The following ESPNL variants were observed in gnomAD, a reference collection of about 807,000 sequenced individuals.
ESPNL encodes espin like.
ESPNL carries 49 observed loss-of-function variants against 46.8 expected under a neutral mutation model. The observed-to-expected ratio is 1.05, with a 90% CI of 0.83 to 1.33. ESPNL has a LOEUF of 1.33. Among genes scored for constraint, ESPNL ranks in the 40% most tolerant of loss-of-function variants. The pLI, the probability that ESPNL is intolerant of heterozygous loss-of-function variation, is 0.00. For synonymous variants in ESPNL, 664 were observed against 662.1 expected, an observed-to-expected ratio of 1.00 and a Z score of -0.04; for missense variants, 1,540 against 1,436.6, an observed-to-expected ratio of 1.07 and a Z score of -1.16.
Position 238,128,877 on chromosome 2 carries a change from G to A in ESPNL, c.1386G>A (p.Leu462=), listed in dbSNP as rs1321831610. Reference sequence around the variant, plus strand: ...TGGTGCGGAAGCTGCAGGCGCGCCTGGGCGCAGAGAGCTCCGCAGAGGCCC... The same window carrying A: ...TGGTGCGGAAGCTGCAGGCGCGCCTAGGCGCAGAGAGCTCCGCAGAGGCCC... ...QVMVRKLQAR[L]GAESSAEAQD... is the part of the protein sequence containing the mutation. Residue 462 remains leucine (L), a synonymous_variant, in exon 8 of 9, where the codon CTG becomes CTA. Transcript: ENST00000343063. 2 of 1,544,600 alleles carry A rather than the reference G, an allele frequency of 1.3e-6. No homozygotes were observed. Among genetic ancestry groups the A allele is most frequent in the Admixed American group, 2.0e-5 (1 of 50,964 alleles).
At chr2:238,118,764 G>GA (rs1691893386) in intron 5 of ESPNL, among the ~76,000 whole-genome samples, 1 of 59,744 alleles carries the variant, frequency 1.7e-5, no homozygotes, top group Non-Finnish European at 3.0e-5. Flanking sequence ...GATGGAGGAG[G>GA]GTGGATGGAG....
intron 7 of ESPNL, among the ~76,000 whole-genome samples, chr2:238,128,083 C>T (rs1158961002): frequency 1.3e-5 from 2 of 152,206 alleles, no homozygotes; most frequent in Non-Finnish European, 2.9e-5. Flanking sequence ...GGCAGGGCCC[C>T]GCTGCCACCG....
chr2:238,115,664 T>C (rs1034593723), intron 4 of ESPNL, among the ~76,000 whole-genome samples: 7 of 152,186 alleles, frequency 4.6e-5, no homozygotes, highest in African/African-American at 1.7e-4. Flanking sequence ...GAGCTGAAAA[T>C]TCCTTTGGGG....
intron 6 of ESPNL, 34 bp downstream of exon 6, chr2:238,125,418 C>A (rs747626308): frequency 1.5e-6 from 2 of 1,334,106 alleles, no homozygotes; most frequent in Non-Finnish European, 2.0e-6. Context: ...CCACCCAGGG[C>A]ATGGGCCTGG....
Position 238,130,241 on chromosome 2 carries a change from C to CA in ESPNL, c.1527_1528insA (p.Leu510ThrfsTer18). On this transcript the variant is annotated frameshift_variant, in exon 9 of 9. Transcript: ENST00000343063. LOFTEE classifies it low-confidence loss of function (END_TRUNC). ...TGCTGACAGAGGATGACCTGGTCTA[C>CA]CTGGAGAAGCAGATTGCAGACCTGC... 6.2e-7 allele frequency: 1 copy of CA among 1,611,000 alleles called. No individual in the cohort carries two copies. Among genetic ancestry groups the CA allele is most frequent in the Non-Finnish European group, 8.5e-7 (1 of 1,179,138 alleles).
rs546186420 is a variant in ESPNL at position 238,127,520 on chromosome 2, G to A, written c.1103-102G>A. ...GGGGTCAGCTCCCAGCTCGCAGATC[G>A]TTCAGGAGGTCAGCTCTGCCCCCAG... On this transcript the variant is annotated intron_variant, in intron 6 of 8. Transcript: ENST00000343063. The A allele has an allele frequency of 7.6e-5, 110 of 1,455,254 alleles. No homozygotes were observed. The African/African-American group carries it at 7.6e-4, about 10-fold the overall frequency. The allele number at this position is 1,455,254 out of a possible 1,614,324, so 90.1% of individuals were successfully genotyped here. A position where few individuals can be genotyped will look rare whatever the true frequency, so the allele number is the denominator to read the frequency against.
rs148153794 is a variant in ESPNL, at chr2:238,130,522, T to C, written c.1808T>C (p.Leu603Pro). Residue 603 changes from leucine (L) to proline (P), a missense_variant, in exon 9 of 9, where the codon CTG becomes CCG. Leu to Pro is a moderately conservative substitution (Grantham distance 98). Coordinates refer to ENST00000343063, the MANE Select transcript of ESPNL (RefSeq NM_194312.4). ...CSHISRLVRS[L>P]SLLLKGVHGL... ...CACATCTCCCGCCTGGTACGCAGCCTGTCCCTGCTGCTGAAGGGCGTGCAT... is the reference window on the plus strand; with the variant it reads ...CACATCTCCCGCCTGGTACGCAGCCCGTCCCTGCTGCTGAAGGGCGTGCAT... 93 of 1,596,036 alleles carry C rather than the reference T, an allele frequency of 5.8e-5. No homozygotes were observed. The highest frequency in any genetic ancestry group is 7.4e-5 in the Non-Finnish European group (87 of 1,171,728).
chr2:238,128,952 C>T (rs918283670), intron 8 of ESPNL, 48 bp downstream of exon 8: 25 of 1,506,064 alleles, frequency 1.7e-5, no homozygotes, highest in Non-Finnish European at 2.1e-5. Flanking sequence ...GGGGCCTTTT[C>T]CAGGTAGGTG....
chr2:238,106,604 C>T (rs1403090510), intron 3 of ESPNL, among the ~76,000 whole-genome samples: 1 of 152,220 alleles, frequency 6.6e-6, no homozygotes, highest in East Asian at 1.9e-4. Flanking sequence ...CTCCCTTTGC[C>T]CCTCCAGCAG....
At chr2:238,118,985 A>AT in intron 5 of ESPNL, among the ~76,000 whole-genome samples, 1 of 124,138 alleles carries the variant, frequency 8.1e-6, no homozygotes. Flanking sequence ...GGGTTAATGG[A>AT]GGAGGAGTGG....
chr2:238,124,653 G>A (rs1692060477), intron 5 of ESPNL, among the ~76,000 whole-genome samples: 1 of 151,248 alleles, frequency 6.6e-6, no homozygotes, highest in Non-Finnish European at 1.5e-5. Context: ...GTACGTGCAT[G>A]TGTGCAGGAG....
intron 4 of ESPNL, among the ~76,000 whole-genome samples, chr2:238,108,886 G>T (rs900827813): frequency 2.0e-5 from 3 of 152,218 alleles, no homozygotes; most frequent in Admixed American, 2.0e-4. Context: ...GGAAGGCACC[G>T]CATTCCCTGC....
rs10170048 is a variant in ESPNL at position 238,125,402 on chromosome 2, A to C, written c.1102+18A>C. 0.47 allele frequency: 675,875 copies of C among 1,450,258 alleles called. 164,202 individuals are homozygous for C. Among genetic ancestry groups the C allele is most frequent in the African/African-American group, 0.8 (55,858 of 69,420 alleles). The allele number at this position is 1,450,258 out of a possible 1,614,324, so 89.8% of individuals were successfully genotyped here. A position where few individuals can be genotyped will look rare whatever the true frequency, so the allele number is the denominator to read the frequency against. On this transcript the variant is annotated intron_variant, in intron 6 of 8. Transcript: ENST00000343063. ...CCCCAGCCGTGAGTGCACAGCCCCA[A>C]GTGGGCCACCCAGGGCATGGGCCTG... is the stretch of plus-strand genomic sequence containing the variant.
intron 4 of ESPNL, among the ~76,000 whole-genome samples, chr2:238,112,844 A>G (rs1162926558): frequency 6.6e-6 from 1 of 152,250 alleles, no homozygotes; most frequent in Non-Finnish European, 1.5e-5. Flanking sequence ...GTCAGAAAAT[A>G]TGCTCTGGTC....
At chr2:238,120,113 C>T (rs75525732) in intron 5 of ESPNL, among the ~76,000 whole-genome samples, 5 of 152,262 alleles carry the variant, frequency 3.3e-5, no homozygotes, top group Non-Finnish European at 5.9e-5. Flanking sequence ...AGGCGTCCAG[C>T]GGGTCCTGGT....
At position 238,107,964 on chromosome 2, in the gene ESPNL, G is replaced by T; in HGVS notation, c.846G>T (p.Gly282=). Residue 282 remains glycine (G), a synonymous_variant, in exon 4 of 9, where the codon GGG becomes GGT. Transcript: ENST00000343063. The part of the protein sequence containing the change: ...GTPLHDAAEN[G]QMECCQTLVS... Reference sequence around the variant, plus strand: ...CCCTCCACGACGCAGCAGAGAACGGGCAGATGGAGGTAAGGTGGGCGTGAG... The same window carrying T: ...CCCTCCACGACGCAGCAGAGAACGGTCAGATGGAGGTAAGGTGGGCGTGAG... 1 of 1,611,476 alleles carries T rather than the reference G, an allele frequency of 6.2e-7. No individual in the cohort carries two copies. Among genetic ancestry groups the T allele is most frequent in the Non-Finnish European group, 8.5e-7 (1 of 1,178,876 alleles).
chr2:238,125,429 G>A (rs771916725), intron 6 of ESPNL, 45 bp downstream of exon 6: 38 of 1,231,004 alleles, frequency 3.1e-5, no homozygotes, highest in Non-Finnish European at 4.1e-5. Context: ...ATGGGCCTGG[G>A]AGAGGGTGCC....
rs530876530 is a variant in ESPNL at position 238,128,943 on chromosome 2, G to A, written c.1413+39G>A. The stretch of plus-strand genomic sequence containing the variant: ...AGGGGCGGGACCAGTGGGCGGGGCG[G>A]GGCCTTTTCCAGGTAGGTGGAAGTG... On this transcript the variant is annotated intron_variant, in intron 8 of 8. Transcript: ENST00000343063. The A allele has an allele frequency of 7.3e-6, 11 of 1,512,378 alleles. No individual in the cohort carries two copies. The Admixed American group carries it at 1.0e-4, about 14-fold the overall frequency. 93.7% of individuals were successfully genotyped at this position (1,512,378 alleles called of 1,614,324 possible). A position where few individuals can be genotyped will look rare whatever the true frequency, so the allele number is the denominator to read the frequency against.
At chr2:238,103,288 G>A (rs1248331256) in intron 2 of ESPNL, among the ~76,000 whole-genome samples, 2 of 152,162 alleles carry the variant, frequency 1.3e-5, no homozygotes, top group Non-Finnish European at 2.9e-5. Context: ...AATTAGCCAG[G>A]CATGGTGGTG....
Sources: allele counts gnomAD v4.1 joint callset (sites outside exome capture counted in the v4.1 genomes callset), GRCh38; gene constraint gnomAD v4.1.1; transcripts MANE v1.5; gene names NCBI Gene and HGNC (gene_info 2026-07-23, HGNC 2026-07-21).